The following CYP7B1 variants were observed in gnomAD, a reference collection of about 807,000 sequenced individuals.
CYP7B1 encodes cytochrome P450 7B1.
A neutral mutation model predicts 42.7 loss-of-function variants in CYP7B1; 29 were observed. That is an observed-to-expected ratio of 0.68 (90% CI 0.51 to 0.93). CYP7B1 has a LOEUF of 0.93. CYP7B1 is among the 40% of genes least tolerant of loss of function. The probability of loss-of-function intolerance (pLI) is 0.00; values close to 1 mark genes in which losing one functional copy is unlikely to be tolerated. For missense variants in CYP7B1, 655 were observed against 600.5 expected, an observed-to-expected ratio of 1.09 and a Z score of -0.95; for synonymous variants, 235 against 218.2, an observed-to-expected ratio of 1.08 and a Z score of -0.68.
chr8:64,596,812 C>T lies in CYP7B1; in HGVS notation c.1351G>A (p.Gly451Ser), dbSNP rs1805124917. 2 of 1,614,050 alleles carry T rather than the reference C, an allele frequency of 1.2e-6. No individual in the cohort carries two copies. Among genetic ancestry groups the T allele is most frequent in the Non-Finnish European group, 1.7e-6 (2 of 1,179,976 alleles). Residue 451 changes from glycine (G) to serine (S), a missense_variant, in exon 6 of 6, where the codon GGC becomes AGC. Transcript: ENST00000310193. ...ATTTCCATAAGTGCAAAAAATCGGC[C>T]TGGACATTTGCTGGTTCCAGTTCCA... The part of the protein sequence containing the change: ...PFGTGTSKCP[G>S]RFFALMEIKQ...
At chr8:64,723,061 A>T (rs1049462346) in intron 1 of CYP7B1, among the ~76,000 whole-genome samples, 5 of 152,178 alleles carry the variant, frequency 3.3e-5, no homozygotes, top group African/African-American at 1.2e-4. Context: ...TTAGCCCTGA[A>T]TCAGTAGTCT....
At chr8:64,606,164 T>C (rs1173970311) in intron 4 of CYP7B1, among the ~76,000 whole-genome samples, 1 of 152,216 alleles carries the variant, frequency 6.6e-6, no homozygotes, top group East Asian at 1.9e-4. Flanking sequence ...GTGCATATTC[T>C]CTTGGACTGC....
chr8:64,681,264 T>C (rs1251882859), intron 1 of CYP7B1, among the ~76,000 whole-genome samples: 4 of 152,230 alleles, frequency 2.6e-5, no homozygotes, highest in Non-Finnish European at 5.9e-5. Context: ...GCCTGTTTCT[T>C]TGTTCAGCCA....
rs886063076 is a variant in CYP7B1 at position 64,798,496 on chromosome 8, A to G, written c.92T>C (p.Leu31Pro). 9 of 1,511,786 alleles carry G rather than the reference A, an allele frequency of 6.0e-6. No homozygotes were observed. Among genetic ancestry groups the G allele is most frequent in the Admixed American group, 2.1e-5 (1 of 48,134 alleles). The allele number at this position is 1,511,786 out of a possible 1,614,324, so 93.6% of individuals were successfully genotyped here. A position where few individuals can be genotyped will look rare whatever the true frequency, so the allele number is the denominator to read the frequency against. The change falls in exon 1 of 6, where the codon CTG becomes CCG. Residue 31 changes from leucine (L) to proline (P), a missense_variant. Physicochemically the swap from Leu to Pro is moderately conservative, Grantham distance 98. Coordinates refer to ENST00000310193, the MANE Select transcript of CYP7B1 (RefSeq NM_004820.5). ...GCGCCGGACAAGCAAGCAGAGGGCC[A>G]GGAGCAGCAGGGCCGCGGCGAGGGC... ...GLALAAALLL[L>P]ALCLLVRRTR...
At chr8:64,729,033 TC>T (rs1807369423) in intron 1 of CYP7B1, 2 of 152,154 alleles carry the variant, frequency 1.3e-5, no homozygotes, top group African/African-American at 4.8e-5. Context: ...GGTGGTGTAC[TC>T]CTGTAGTCCC....
intron 1 of CYP7B1, among the ~76,000 whole-genome samples, chr8:64,657,285 G>A (rs1040328116): frequency 2.4e-4 from 37 of 152,066 alleles, no homozygotes; most frequent in African/African-American, 8.5e-4. Flanking sequence ...AGGGCTCTAG[G>A]TTTTAGTAAT....
intron 1 of CYP7B1, among the ~76,000 whole-genome samples, chr8:64,694,263 T>G (rs1806790695): frequency 6.6e-6 from 1 of 152,240 alleles, no homozygotes; most frequent in Non-Finnish European, 1.5e-5. Context: ...AATAAACTTT[T>G]AATTACATGC....
chr8:64,753,564 A>G (rs1037677001), intron 1 of CYP7B1, among the ~76,000 whole-genome samples: 9 of 152,326 alleles, frequency 5.9e-5, no homozygotes, highest in African/African-American at 2.2e-4. Flanking sequence ...AAAGGAAGGA[A>G]TACGTGACAG....
chr8:64,742,111 A>C (rs1807578527), intron 1 of CYP7B1, among the ~76,000 whole-genome samples: 1 of 152,228 alleles, frequency 6.6e-6, no homozygotes, highest in African/African-American at 2.4e-5. Flanking sequence ...ATCTGTTCAA[A>C]CAAATGGAAT....
intron 1 of CYP7B1, among the ~76,000 whole-genome samples, chr8:64,706,724 A>G (rs1355969377): frequency 6.6e-6 from 1 of 152,012 alleles, no homozygotes; most frequent in Non-Finnish European, 1.5e-5. Flanking sequence ...CTGAATCACC[A>G]CTGAGAGCAG....
chr8:64,611,827 G>C (rs1805368175), intron 4 of CYP7B1, among the ~76,000 whole-genome samples: 1 of 152,098 alleles, frequency 6.6e-6, no homozygotes, highest in African/African-American at 2.4e-5. Flanking sequence ...GTCATCGAAA[G>C]AGCGCTCCTG....
At chr8:64,648,568 C>T (rs1364814744) in intron 1 of CYP7B1, among the ~76,000 whole-genome samples, 2 of 152,124 alleles carry the variant, frequency 1.3e-5, no homozygotes, top group African/African-American at 2.4e-5. Context: ...GTCTTGATGG[C>T]CCTTTGCTCA....
At chr8:64,785,258 G>A (rs915391468) in intron 1 of CYP7B1, among the ~76,000 whole-genome samples, 1 of 152,120 alleles carries the variant, frequency 6.6e-6, no homozygotes, top group African/African-American at 2.4e-5. Context: ...TCGCTGGTAG[G>A]ACTGCAAAAT....
At chr8:64,759,259 A>G (rs1167168738) in intron 1 of CYP7B1, among the ~76,000 whole-genome samples, 1 of 152,222 alleles carries the variant, frequency 6.6e-6, no homozygotes, top group Non-Finnish European at 1.5e-5. Flanking sequence ...GGAGGCATAC[A>G]GGACAAAATG....
At chr8:64,797,406 G>T (rs2129742239) in intron 1 of CYP7B1, among the ~76,000 whole-genome samples, 1 of 152,248 alleles carries the variant, frequency 6.6e-6, no homozygotes, top group East Asian at 1.9e-4. Context: ...ACATACCACT[G>T]AAGTTCAAGT....
At chr8:64,764,880 G>C (rs1807947595) in intron 1 of CYP7B1, among the ~76,000 whole-genome samples, 1 of 151,736 alleles carries the variant, frequency 6.6e-6, no homozygotes, top group African/African-American at 2.4e-5. Flanking sequence ...CCTAAACCCT[G>C]CAGATTTCCT....
intron 1 of CYP7B1, among the ~76,000 whole-genome samples, chr8:64,739,186 T>C (rs1351863112): frequency 1.3e-5 from 2 of 152,108 alleles, no homozygotes; most frequent in Admixed American, 6.5e-5. Context: ...CCTAAGGGAA[T>C]TGAGGGAAGC....
intron 1 of CYP7B1, among the ~76,000 whole-genome samples, chr8:64,701,648 A>C (rs974969553): frequency 6.6e-6 from 1 of 152,092 alleles, no homozygotes; most frequent in African/African-American, 2.4e-5. Flanking sequence ...TCTCTATTTG[A>C]CGATAATGTT....
At chr8:64,655,998 G>GGGGTCTACTTGA (rs1243048872) in intron 1 of CYP7B1, among the ~76,000 whole-genome samples, 1 of 152,064 alleles carries the variant, frequency 6.6e-6, no homozygotes, top group Non-Finnish European at 1.5e-5. Context: ...AACAGACACT[G>GGGGTCTACTTGA]GGGTCTACTT....
Sources: allele counts gnomAD v4.1 joint callset (sites outside exome capture counted in the v4.1 genomes callset), GRCh38; gene constraint gnomAD v4.1.1; transcripts MANE v1.5; gene names NCBI Gene and HGNC (gene_info 2026-07-23, HGNC 2026-07-21).